SAMD12: variants seen among roughly 807,000 people sequenced by gnomAD.
The protein encoded by SAMD12 is sterile alpha motif domain-containing protein 12.
Under a neutral mutation model 15.0 loss-of-function variants are expected in SAMD12, and 9 were observed. The ratio of observed to expected loss-of-function variants is 0.60; its 90% CI spans 0.36 to 1.05. SAMD12 has a LOEUF of 1.05. SAMD12 is among the 50% of genes least tolerant of loss of function. SAMD12 has a pLI of 0.01. For synonymous variants in SAMD12, 86 were observed against 90.1 expected (o/e 0.96, Z 0.25); for missense variants, 230 against 234.2 (o/e 0.98, Z 0.12).
intron 4 of SAMD12, among the ~76,000 whole-genome samples, chr8:118,269,816 C>T (rs915834475): frequency 6.6e-6 from 1 of 152,086 alleles, no homozygotes; most frequent in Non-Finnish European, 1.5e-5. Flanking sequence ...AACACCTGCA[C>T]CCCCCTTCCT....
chr8:118,297,454 G>A (rs957683694), intron 4 of SAMD12, among the ~76,000 whole-genome samples: 1 of 152,166 alleles, frequency 6.6e-6, no homozygotes, highest in Non-Finnish European at 1.5e-5. Flanking sequence ...ACCTTCCGAA[G>A]GGACTAATTT....
intron 4 of SAMD12, among the ~76,000 whole-genome samples, chr8:118,287,128 T>G (rs200146601): frequency 1.1e-5 from 1 of 93,734 alleles, no homozygotes. Flanking sequence ...GAATATTTTT[T>G]TTTTTTTTTT....
the SAMD12 span, among the ~76,000 whole-genome samples, chr8:118,134,326 T>C: frequency 6.6e-6 from 1 of 152,246 alleles, no homozygotes; most frequent in African/African-American, 2.4e-5. Context: ...CTGAAATACA[T>C]GTGGGCTTTC....
intron 1 of SAMD12, among the ~76,000 whole-genome samples, chr8:118,603,948 A>G (rs1827926852): frequency 6.6e-6 from 1 of 152,232 alleles, no homozygotes; most frequent in Admixed American, 6.5e-5. Flanking sequence ...ATATTTTTAA[A>G]AGACAATGAC....
At chr8:118,229,958 T>A (rs1254220025) in intron 4 of SAMD12, among the ~76,000 whole-genome samples, 1 of 151,988 alleles carries the variant, frequency 6.6e-6, no homozygotes, top group African/African-American at 2.4e-5. Flanking sequence ...TGGGATGTGA[T>A]CTGTCTATGA....
intron 1 of SAMD12, among the ~76,000 whole-genome samples, chr8:118,604,791 G>A (rs990117907): frequency 9.9e-5 from 15 of 151,954 alleles, no homozygotes; most frequent in South Asian, 8.3e-4. Context: ...GCGTGGTGGC[G>A]GGAGCCTGTA....
chr8:118,564,295 C>T (rs1389806480), intron 2 of SAMD12, among the ~76,000 whole-genome samples: 1 of 151,766 alleles, frequency 6.6e-6, no homozygotes, highest in Non-Finnish European at 1.5e-5. Flanking sequence ...CAACTGAGAC[C>T]AGGTACAGCT....
At chr8:118,132,974 A>G in the SAMD12 span, among the ~76,000 whole-genome samples, 1,530 of 8,496 alleles carry the variant, frequency 0.18, 54 homozygotes, top group African/African-American at 0.33. Context: ...GTGTGTGTGT[A>G]TATATATATA....
intron 2 of SAMD12, among the ~76,000 whole-genome samples, chr8:118,459,706 A>T (rs1480814166): frequency 1.3e-5 from 2 of 152,226 alleles, no homozygotes; most frequent in African/African-American, 2.4e-5. Flanking sequence ...AAACTTAAAA[A>T]TGATGACATT....
At chr8:118,382,510 A>G (rs571768161) in intron 3 of SAMD12, among the ~76,000 whole-genome samples, 35 of 152,342 alleles carry the variant, frequency 2.3e-4, no homozygotes, top group African/African-American at 8.4e-4. Context: ...TGTTATTTCT[A>G]CTTTGGTGGG....
At chr8:118,369,445 G>C (rs1185456165) in intron 4 of SAMD12, among the ~76,000 whole-genome samples, 2 of 152,180 alleles carry the variant, frequency 1.3e-5, no homozygotes, top group African/African-American at 4.8e-5. Flanking sequence ...GCCAGGCACA[G>C]TGGCTCACTC....
intron 4 of SAMD12, among the ~76,000 whole-genome samples, chr8:118,311,371 G>C (rs1035842039): frequency 1.3e-5 from 2 of 152,198 alleles, no homozygotes; most frequent in African/African-American, 4.8e-5. Flanking sequence ...ACACAGCCAA[G>C]CACATATTCA....
intron 1 of SAMD12, among the ~76,000 whole-genome samples, chr8:118,602,272 C>A (rs1163245302): frequency 6.6e-6 from 1 of 152,190 alleles, no homozygotes; most frequent in Non-Finnish European, 1.5e-5. Flanking sequence ...TAGAATGGGA[C>A]TTAGGACACT....
intron 4 of SAMD12, among the ~76,000 whole-genome samples, chr8:118,231,726 C>T (rs971951407): frequency 1.3e-5 from 2 of 152,114 alleles, no homozygotes; most frequent in African/African-American, 4.8e-5. Flanking sequence ...AAAGAGGCTA[C>T]CTGTCCACCA....
chr8:118,606,721 C>T (rs1410165633), intron 1 of SAMD12, among the ~76,000 whole-genome samples: 1 of 152,146 alleles, frequency 6.6e-6, no homozygotes. Context: ...CTCTCCCTTA[C>T]CATTAAAATC....
chr8:118,581,621 C>G (rs907339600), intron 1 of SAMD12, among the ~76,000 whole-genome samples: 15 of 152,162 alleles, frequency 9.9e-5, no homozygotes, highest in African/African-American at 3.4e-4. Flanking sequence ...CAAATAAAAC[C>G]TAAAGCTGAT....
At chr8:118,492,837 G>C (rs1023215280) in intron 2 of SAMD12, among the ~76,000 whole-genome samples, 1 of 152,240 alleles carries the variant, frequency 6.6e-6, no homozygotes, top group South Asian at 2.1e-4. Flanking sequence ...ATATTCTACT[G>C]TTTTAAGTAC....
chr8:118,366,939 G>A (rs1461768273), intron 4 of SAMD12, among the ~76,000 whole-genome samples: 1 of 147,424 alleles, frequency 6.8e-6, no homozygotes, highest in South Asian at 2.2e-4. Flanking sequence ...TGAAAAGGGG[G>A]ATACTAAGAA....
At chr8:118,238,592 C>T (rs1398057129) in intron 4 of SAMD12, among the ~76,000 whole-genome samples, 2 of 152,078 alleles carry the variant, frequency 1.3e-5, no homozygotes, top group African/African-American at 4.8e-5. Flanking sequence ...AGTAGTGAAG[C>T]TATAGACATA....
Sources: allele counts gnomAD v4.1 joint callset (sites outside exome capture counted in the v4.1 genomes callset), GRCh38; gene constraint gnomAD v4.1.1; transcripts MANE v1.5; gene names NCBI Gene and HGNC (gene_info 2026-07-23, HGNC 2026-07-21).